AUTS2: variants seen among roughly 807,000 people sequenced by gnomAD.
AUTS2 encodes the protein autism susceptibility gene 2 protein.
AUTS2 carries 17 observed loss-of-function variants against 112.4 expected under a neutral mutation model. The observed-to-expected ratio is 0.15, with a 90% CI of 0.10 to 0.23. The LOEUF is 0.23. Among genes scored for constraint, AUTS2 ranks in the 10% least tolerant of loss-of-function variants. The pLI, the probability that AUTS2 is intolerant of heterozygous loss-of-function variation, is 1.00. For missense variants in AUTS2, 1,510 were observed against 1,701.6 expected (o/e 0.89, Z 1.98); for synonymous variants, 751 against 702.7 (o/e 1.07, Z -1.09).
At chr7:69,853,196 G>T (rs1348990287) in intron 1 of AUTS2, among the ~76,000 whole-genome samples, 9 of 152,068 alleles carry the variant, frequency 5.9e-5, no homozygotes, top group African/African-American at 1.7e-4. Context: ...CTGATTTTCT[G>T]TCTAGTTGCT....
intron 6 of AUTS2, among the ~76,000 whole-genome samples, chr7:70,717,305 G>C (rs377696447): frequency 6.6e-6 from 1 of 151,914 alleles, no homozygotes; most frequent in African/African-American, 2.4e-5. Context: ...CCCAGCCTCC[G>C]AAGTAGCTGG....
intron 1 of AUTS2, among the ~76,000 whole-genome samples, chr7:69,704,429 C>T (rs1797963278): frequency 6.6e-6 from 1 of 152,070 alleles, no homozygotes; most frequent in African/African-American, 2.4e-5. Flanking sequence ...AGGCGCCTGC[C>T]ACCACGCCCG....
At chr7:70,553,820 G>A (rs71549360) in intron 5 of AUTS2, among the ~76,000 whole-genome samples, 8,864 of 132,240 alleles carry the variant, frequency 0.067, 316 homozygotes, top group Middle Eastern at 0.14. Flanking sequence ...AGGCTGGAGT[G>A]CAGTGGTGCG....
At chr7:70,572,296 G>C (rs942807736) in intron 5 of AUTS2, among the ~76,000 whole-genome samples, 1 of 152,048 alleles carries the variant, frequency 6.6e-6, no homozygotes, top group Non-Finnish European at 1.5e-5. Context: ...TGTTTTAGGA[G>C]GGGAAATACA....
intron 1 of AUTS2, among the ~76,000 whole-genome samples, chr7:69,637,197 T>C (rs1794589644): frequency 6.6e-6 from 1 of 152,234 alleles, no homozygotes; most frequent in Non-Finnish European, 1.5e-5. Flanking sequence ...CCTTGTGATA[T>C]ATATTCATGC....
At chr7:69,600,537 TC>T (rs774273826) in intron 1 of AUTS2, among the ~76,000 whole-genome samples, 2 of 100,792 alleles carry the variant, frequency 2.0e-5, no homozygotes, top group Admixed American at 1.0e-4. Context: ...CCCCCCATAT[TC>T]TTTTTTTTTT....
intron 2 of AUTS2, among the ~76,000 whole-genome samples, chr7:70,110,911 G>A (rs546074859): frequency 6.8e-5 from 8 of 117,784 alleles, no homozygotes; most frequent in African/African-American, 1.3e-4. Context: ...CGCCCCAGTC[G>A]CCCAGGCTGG....
chr7:70,335,313 T>A (rs542763120), intron 4 of AUTS2, among the ~76,000 whole-genome samples: 32 of 152,294 alleles, frequency 2.1e-4, no homozygotes, highest in African/African-American at 7.7e-4. Context: ...TACTACACAC[T>A]CTCTCCTGCC....
chr7:70,137,944 A>G (rs943209640), intron 4 of AUTS2, among the ~76,000 whole-genome samples: 1 of 152,034 alleles, frequency 6.6e-6, no homozygotes, highest in African/African-American at 2.4e-5. Context: ...AGTTATTTAC[A>G]TTTTTTCTGT....
intron 5 of AUTS2, among the ~76,000 whole-genome samples, chr7:70,679,625 G>A (rs1301999591): frequency 6.6e-6 from 1 of 151,912 alleles, no homozygotes; most frequent in Non-Finnish European, 1.5e-5. Flanking sequence ...AATCCTGAGA[G>A]GAAATACATG....
chr7:69,733,969 T>A (rs1460126261), intron 1 of AUTS2, among the ~76,000 whole-genome samples: 2 of 152,204 alleles, frequency 1.3e-5, no homozygotes, highest in Non-Finnish European at 2.9e-5. Context: ...TTATTCAACC[T>A]CTTTTTAGCT....
Position 70,790,285 on chromosome 7 carries a change from C to T in AUTS2, c.3069C>T (p.Pro1023=), listed in dbSNP as rs1440328054. 1.9e-6 allele frequency: 3 copies of T among 1,613,416 alleles called. No homozygotes were observed. The highest frequency in any genetic ancestry group is 2.5e-6 in the Non-Finnish European group (3 of 1,179,956). ...SVHPGPLASM[P]MTVGVTGIHP... Reference sequence around the variant, plus strand: ...ACCCGGGGCCCCTGGCCTCGATGCCCATGACGGTGGGGGTGACGGGCATTC... The same window carrying T: ...ACCCGGGGCCCCTGGCCTCGATGCCTATGACGGTGGGGGTGACGGGCATTC... The change falls in exon 19 of 19, where the codon CCC becomes CCT. Residue 1023 remains proline (P), a synonymous_variant. Transcript: ENST00000342771. The surrounding 1 kb of genome is among the most constrained non-coding windows in gnomAD (Gnocchi z 7.6).
At chr7:69,692,831 AGC>A (rs1797405027) in intron 1 of AUTS2, among the ~76,000 whole-genome samples, 1 of 152,236 alleles carries the variant, frequency 6.6e-6, no homozygotes, top group Admixed American at 6.5e-5. Context: ...ACATAATTTT[AGC>A]CTGTTTTTCA....
At chr7:70,366,013 A>G (rs1792552952) in intron 4 of AUTS2, among the ~76,000 whole-genome samples, 2 of 152,236 alleles carry the variant, frequency 1.3e-5, no homozygotes, top group Non-Finnish European at 2.9e-5. Context: ...ATCATGCTAT[A>G]TTGTAGGGCT....
chr7:70,773,400 G>C (rs1315290378), intron 11 of AUTS2, among the ~76,000 whole-genome samples: 3 of 152,258 alleles, frequency 2.0e-5, no homozygotes, highest in Non-Finnish European at 4.4e-5. Flanking sequence ...GTTAATATTA[G>C]CAATATTTGA....
At chr7:69,942,629 G>A (rs1256048323) in intron 2 of AUTS2, among the ~76,000 whole-genome samples, 1 of 152,202 alleles carries the variant, frequency 6.6e-6, no homozygotes, top group Non-Finnish European at 1.5e-5. Flanking sequence ...TTGCTAGGAT[G>A]CAGGGCTTTG....
intron 5 of AUTS2, among the ~76,000 whole-genome samples, chr7:70,696,716 G>A (rs1048744860): frequency 6.6e-6 from 1 of 151,932 alleles, no homozygotes; most frequent in East Asian, 1.9e-4. Context: ...ATAAAAACTT[G>A]GTCAGGAACC....
intron 2 of AUTS2, among the ~76,000 whole-genome samples, chr7:70,100,108 G>A (rs28433534): frequency 6.6e-6 from 1 of 152,086 alleles, no homozygotes; most frequent in Non-Finnish European, 1.5e-5. Flanking sequence ...AGTAACTCTT[G>A]TTGTGGTCGC....
intron 5 of AUTS2, among the ~76,000 whole-genome samples, chr7:70,496,320 T>G (rs1261415184): frequency 1.7e-5 from 1 of 58,816 alleles, no homozygotes; most frequent in Non-Finnish European, 3.1e-5. Context: ...ACGTACACAG[T>G]CACACACACG....
Sources: gnomAD v4.1 joint callset for allele counts (sites outside exome capture counted in the v4.1 genomes callset) on GRCh38, gnomAD v4.1.1 for gene constraint, Gnocchi (gnomAD v3.1) non-coding constraint, MANE v1.5 for transcripts, NCBI Gene and HGNC (gene_info 2026-07-23, HGNC 2026-07-21) for gene names.